HIF1A: variants seen among roughly 807,000 people sequenced by gnomAD.
The protein encoded by HIF1A is hypoxia-inducible factor 1-alpha.
Under a neutral mutation model 92.7 loss-of-function variants are expected in HIF1A, and 24 were observed. That is an observed-to-expected ratio of 0.26 (90% CI 0.19 to 0.36). HIF1A has a LOEUF of 0.36. HIF1A is among the 10% of genes least tolerant of loss of function. HIF1A has a pLI of 1.00. For synonymous variants in HIF1A, 319 were observed against 338.7 expected, an observed-to-expected ratio of 0.94 and a Z score of 0.64; for missense variants, 799 against 998.5, an observed-to-expected ratio of 0.80 and a Z score of 2.69.
intron 7 of HIF1A, among the ~76,000 whole-genome samples, chr14:61,733,501 A>T (rs1262980036): frequency 1.3e-5 from 2 of 152,220 alleles, no homozygotes; most frequent in Non-Finnish European, 2.9e-5. Flanking sequence ...TCACCTGTTT[A>T]ATCTGTACCT....
intron 12 of HIF1A, among the ~76,000 whole-genome samples, chr14:61,742,054 T>C (rs1381529640): frequency 6.6e-6 from 1 of 152,230 alleles, no homozygotes; most frequent in Non-Finnish European, 1.5e-5. Context: ...ATTAGCTATA[T>C]ATATATTGCA....
At chr14:61,728,277 C>G (rs2044532649) in intron 6 of HIF1A, among the ~76,000 whole-genome samples, 1 of 152,060 alleles carries the variant, frequency 6.6e-6, no homozygotes, top group Non-Finnish European at 1.5e-5. Flanking sequence ...AGATAGATTA[C>G]CTTAGGTTGG....
At chr14:61,719,373 C>G (rs776386869) in intron 1 of HIF1A, among the ~76,000 whole-genome samples, 1 of 152,174 alleles carries the variant, frequency 6.6e-6, no homozygotes. Context: ...TTTAAAACAC[C>G]TGGGTTCAAA....
At chr14:61,723,031 T>C (rs2140138984) in intron 4 of HIF1A, among the ~76,000 whole-genome samples, 1 of 152,380 alleles carries the variant, frequency 6.6e-6, no homozygotes, top group South Asian at 2.1e-4. Context: ...ATACTGATCA[T>C]AATTGAACTT....
chr14:61,727,403 TCC>T, intron 5 of HIF1A, 48 bp from the exon 6 acceptor site: 1 of 1,375,386 alleles, frequency 7.3e-7, no homozygotes, highest in Admixed American at 1.7e-5. Flanking sequence ...GCTTTTTTTT[TCC>T]CTAGCATTGT....
Position 61,703,830 on chromosome 14 carries a change from A to G in HIF1A, c.35+7991A>G, listed in dbSNP as rs201273540. On this transcript the variant is annotated intron_variant, in intron 1 of 14. Transcript: ENST00000337138. ...ACTCTTGACCAGTAATTAATGGGCC[A>G]TGAGTTTTTGTTGCAAGTCATTTGA... is the stretch of plus-strand genomic sequence containing the variant. Among the ~76,000 whole-genome samples, 6 of 151,330 alleles carry G rather than the reference A, an allele frequency of 4.0e-5. No individual in the cohort carries two copies. The East Asian group carries it at 9.6e-4, about 24-fold the overall frequency.
intron 1 of HIF1A, among the ~76,000 whole-genome samples, chr14:61,707,655 A>G (rs1389849283): frequency 6.6e-6 from 1 of 151,560 alleles, no homozygotes; most frequent in Non-Finnish European, 1.5e-5. Flanking sequence ...TTTATGGCTG[A>G]ATAGTATTCC....
intron 1 of HIF1A, among the ~76,000 whole-genome samples, chr14:61,717,489 T>A (rs961124720): frequency 1.3e-5 from 2 of 152,214 alleles, no homozygotes; most frequent in Admixed American, 1.3e-4. Flanking sequence ...TATAGGTTTG[T>A]CAACTCTATA....
chr14:61,695,873 C>T, intron 1 of HIF1A, 34 bp downstream of exon 1: 1 of 1,550,262 alleles, frequency 6.5e-7, no homozygotes. Context: ...CGCCTTCTCC[C>T]CCGGCGACCC....
chr14:61,734,048 CAAT>C (rs926239617), intron 7 of HIF1A, 87 bp from the exon 8 acceptor site: 115 of 857,982 alleles, frequency 1.3e-4, no homozygotes, highest in Middle Eastern at 4.7e-4. Flanking sequence ...TTTTCCAAAA[CAAT>C]GATGAACATT....
In HIF1A at chr14:61,720,442, A is replaced by G; in HGVS notation, c.96A>G (p.Lys32=). The G allele has an allele frequency of 6.2e-7, 1 of 1,613,592 alleles. No homozygotes were observed. The highest frequency in any genetic ancestry group is 1.1e-5 in the South Asian group (1 of 90,962). The change falls in exon 2 of 15, where the codon AAA becomes AAG. Residue 32 remains lysine (K), a synonymous_variant. Transcript: ENST00000337138. The part of the protein sequence containing the change: ...SRDAARSRRS[K]ESEVFYELAH... ...ATGCAGCCAGATCTCGGCGAAGTAA[A>G]GAATCTGAAGTTTTTTATGAGCTTG... is the stretch of plus-strand genomic sequence containing the variant.
At chr14:61,719,779 A>G (rs373509330) in intron 1 of HIF1A, among the ~76,000 whole-genome samples, 4 of 152,138 alleles carry the variant, frequency 2.6e-5, no homozygotes, top group Admixed American at 2.0e-4. Flanking sequence ...CCAGTAATAG[A>G]TAAGGGGCTG....
chr14:61,746,858 C>G, intron 14 of HIF1A, 76 bp from the exon 15 acceptor site: 2 of 1,199,424 alleles, frequency 1.7e-6, no homozygotes, highest in Non-Finnish European at 2.3e-6. Context: ...TCTATGATAC[C>G]TAACACATTG....
At chr14:61,742,322 G>C (rs775069535) in intron 12 of HIF1A, among the ~76,000 whole-genome samples, 21 of 152,296 alleles carry the variant, frequency 1.4e-4, no homozygotes, top group East Asian at 5.8e-4. Flanking sequence ...AATAGCAATA[G>C]GAAAGAACCA....
At chr14:61,718,844 T>G (rs1695456483) in intron 1 of HIF1A, among the ~76,000 whole-genome samples, 1 of 152,232 alleles carries the variant, frequency 6.6e-6, no homozygotes, top group Admixed American at 6.5e-5. Context: ...TAGCTCACCG[T>G]AAATTTCAAG....
chr14:61,723,473 G>A (rs900908464), intron 4 of HIF1A, among the ~76,000 whole-genome samples: 2 of 152,142 alleles, frequency 1.3e-5, no homozygotes, highest in African/African-American at 4.8e-5. Flanking sequence ...TCATATTCTT[G>A]AATTCTCACA....
intron 12 of HIF1A, among the ~76,000 whole-genome samples, chr14:61,742,479 G>T (rs2044723804): frequency 6.6e-6 from 1 of 152,056 alleles, no homozygotes; most frequent in South Asian, 2.1e-4. Flanking sequence ...TTTATTTACT[G>T]TGTCACTTAC....
At chr14:61,729,276 A>G (rs2044544821) in intron 6 of HIF1A, among the ~76,000 whole-genome samples, 1 of 152,196 alleles carries the variant, frequency 6.6e-6, no homozygotes, top group Non-Finnish European at 1.5e-5. Flanking sequence ...AGCCTGGCCA[A>G]CATGGTAAAA....
chr14:61,720,266 A>G, intron 1 of HIF1A, 116 bp from the exon 2 acceptor site: 1 of 661,304 alleles, frequency 1.5e-6, no homozygotes, highest in Non-Finnish European at 2.4e-6. Context: ...TAACTTAATT[A>G]CATGGCATCT....
Sources: gnomAD v4.1 joint callset for allele counts (sites outside exome capture counted in the v4.1 genomes callset) on GRCh38, gnomAD v4.1.1 for gene constraint, MANE v1.5 for transcripts, NCBI Gene and HGNC (gene_info 2026-07-23, HGNC 2026-07-21) for gene names.